RAB6B: variants seen among roughly 807,000 people sequenced by gnomAD.
RAB6B encodes the protein RAB6B, member RAS oncogene family.
Under a neutral mutation model 31.2 loss-of-function variants are expected in RAB6B, and 7 were observed. The ratio of observed to expected loss-of-function variants is 0.22; its 90% CI spans 0.13 to 0.42. The LOEUF (loss-of-function observed/expected upper bound fraction) is 0.42. Among genes scored for constraint, RAB6B ranks in the 10% least tolerant of loss-of-function variants. The pLI, the probability that RAB6B is intolerant of heterozygous loss-of-function variation, is 1.00. For missense variants in RAB6B, 149 were observed against 280.6 expected, an observed-to-expected ratio of 0.53 and a Z score of 3.35; for synonymous variants, 105 against 104.9, an observed-to-expected ratio of 1.00 and a Z score of -0.01.
chr3:133,831,788 G>A (rs1420665275), intron 7 of RAB6B, among the ~76,000 whole-genome samples: 2 of 152,166 alleles, frequency 1.3e-5, no homozygotes, highest in Non-Finnish European at 2.9e-5. Flanking sequence ...GGCCCATCAC[G>A]GGCCACATTC....
At chr3:133,894,358 C>T (rs1475696131) in intron 1 of RAB6B, 2 of 152,346 alleles carry the variant, frequency 1.3e-5, no homozygotes, top group African/African-American at 4.8e-5. Flanking sequence ...GGTCCCTGCC[C>T]TTCAATCTGG....
intron 7 of RAB6B, 67 bp downstream of exon 7, chr3:133,834,508 C>T: frequency 1.3e-6 from 2 of 1,516,634 alleles, no homozygotes; most frequent in Non-Finnish European, 1.8e-6. Context: ...GTCCACTGCA[C>T]TAACATATTC....
At chr3:133,861,011 C>CCA (rs1559907290) in intron 2 of RAB6B, among the ~76,000 whole-genome samples, 1 of 152,170 alleles carries the variant, frequency 6.6e-6, no homozygotes, top group African/African-American at 2.4e-5. Context: ...AGTGCTGCTA[C>CCA]CACCAAATCC....
rs189473482 is a variant in RAB6B, at chr3:133,887,522, A to G, written c.70+7875T>C. ...TCTCACCAGCAGCATGCTTGTCTCC[A>G]GGCTGGGAGTGTTATTGGCTTGGCC... On this transcript the variant is annotated intron_variant, in intron 1 of 7. Transcript: ENST00000285208. 6.9e-3 allele frequency among the ~76,000 whole-genome samples: 1,048 copies of G among 152,328 alleles called. 6 individuals are homozygous for G. The highest frequency in any genetic ancestry group is 0.011 in the Non-Finnish European group (778 of 68,024).
intron 1 of RAB6B, among the ~76,000 whole-genome samples, chr3:133,889,440 A>ATATT (rs1936606127): frequency 1.0e-5 from 1 of 99,524 alleles, no homozygotes. Flanking sequence ...ATATATATAT[A>ATATT]TATATTTATT....
chr3:133,841,186 ATGCGTG>A, intron 4 of RAB6B, 93 bp downstream of exon 4: 14 of 1,076,686 alleles, frequency 1.3e-5, no homozygotes, highest in Non-Finnish European at 1.7e-5. Flanking sequence ...GTGCACACAC[ATGCGTG>A]TGCACACACA....
intron 6 of RAB6B, 120 bp downstream of exon 6, chr3:133,838,046 G>T: frequency 9.6e-7 from 1 of 1,041,022 alleles, no homozygotes; most frequent in South Asian, 1.4e-5. Flanking sequence ...GGGTGTTCTG[G>T]TTGGCTGCCC....
At chr3:133,860,096 G>A (rs540300410) in intron 2 of RAB6B, among the ~76,000 whole-genome samples, 16 of 152,296 alleles carry the variant, frequency 1.1e-4, no homozygotes, top group Admixed American at 2.0e-4. Flanking sequence ...TAGGCCAGAA[G>A]GTCCAGTCCC....
chr3:133,863,074 A>G (rs1365298588), intron 2 of RAB6B, among the ~76,000 whole-genome samples: 1 of 152,174 alleles, frequency 6.6e-6, no homozygotes. Context: ...TGGTGCTACA[A>G]AGCCCTGGCC....
At chr3:133,838,283 A>C (rs532694379) in intron 5 of RAB6B, 24 bp from the exon 6 acceptor site, 16 of 1,602,142 alleles carry the variant, frequency 1.0e-5, no homozygotes, top group Non-Finnish European at 8.6e-7. Context: ...GAAGGGGGGA[A>C]ATCAGCTCAG....
intron 2 of RAB6B, among the ~76,000 whole-genome samples, chr3:133,856,449 A>G (rs1459242890): frequency 6.6e-6 from 1 of 152,046 alleles, no homozygotes; most frequent in Non-Finnish European, 1.5e-5. Context: ...AGCAAGCAAG[A>G]GCTTCCCTGG....
Position 133,841,675 on chromosome 3 carries a change from AAGC to A in RAB6B, c.130-15_130-13del. 3.7e-6 allele frequency: 6 copies of A among 1,613,904 alleles called. No individual in the cohort carries two copies. Among genetic ancestry groups the A allele is most frequent in the Non-Finnish European group, 5.1e-6 (6 of 1,179,922 alleles). ...ATCCCAATGGTTGCCTGTTAGAGAA[AAGC>A]ACAGAACGGTCAAAATCAAAAGGTC... On this transcript the variant is annotated splice_polypyrimidine_tract_variant and intron_variant, in intron 2 of 7. Transcript: ENST00000285208.
intron 2 of RAB6B, among the ~76,000 whole-genome samples, chr3:133,854,660 A>G (rs1936048763): frequency 6.6e-6 from 1 of 152,226 alleles, no homozygotes; most frequent in South Asian, 2.1e-4. Flanking sequence ...GAATCTTATG[A>G]GCATGGATTT....
chr3:133,885,627 C>T (rs1936535248), intron 1 of RAB6B: 2 of 702,980 alleles, frequency 2.8e-6, no homozygotes, highest in African/African-American at 1.7e-5. Flanking sequence ...TCCCGCAGAA[C>T]ACCCATGGAA....
intron 6 of RAB6B, among the ~76,000 whole-genome samples, chr3:133,837,783 A>T (rs1393744714): frequency 6.6e-6 from 1 of 152,194 alleles, no homozygotes; most frequent in Non-Finnish European, 1.5e-5. Context: ...ATGAACCCCA[A>T]ATGCTGATCA....
intron 4 of RAB6B, among the ~76,000 whole-genome samples, chr3:133,840,391 A>G (rs1445546610): frequency 6.6e-6 from 1 of 152,222 alleles, no homozygotes; most frequent in Non-Finnish European, 1.5e-5. Context: ...AGTTTCACAC[A>G]GCCTGGTATC....
chr3:133,850,038 T>C (rs1022228504), intron 2 of RAB6B, among the ~76,000 whole-genome samples: 4 of 151,926 alleles, frequency 2.6e-5, no homozygotes, highest in Admixed American at 6.5e-5. Context: ...GGAAGTGACA[T>C]AGATACAGAG....
At position 133,828,277 on chromosome 3, in the gene RAB6B, G is replaced by T; in HGVS notation, c.*511C>A. 1 of 447,958 alleles carries T rather than the reference G, an allele frequency of 2.2e-6. No homozygotes were observed. The highest frequency in any genetic ancestry group is 4.0e-6 in the Non-Finnish European group (1 of 250,910). The allele number at this position is 447,958 out of a possible 1,614,324, so 27.7% of individuals were successfully genotyped here. A position where few individuals can be genotyped will look rare whatever the true frequency, so the allele number is the denominator to read the frequency against. ...TAACTGGAGTAGGGCCTAGAGAGTG[G>T]GGCCAGATGGCCCCAGACTGAAGCC... On this transcript the variant is annotated 3_prime_UTR_variant, in exon 8 of 8. Coordinates refer to ENST00000285208, the MANE Select transcript of RAB6B (RefSeq NM_016577.4).
intron 3 of RAB6B, 97 bp from the exon 4 acceptor site, chr3:133,841,487 GGCA>G: frequency 1.3e-6 from 2 of 1,532,442 alleles, no homozygotes; most frequent in Non-Finnish European, 1.8e-6. Context: ...CTGCAATGCT[GGCA>G]TCACCAGCTC....
Sources: gnomAD v4.1 joint callset for allele counts (sites outside exome capture counted in the v4.1 genomes callset) on GRCh38, gnomAD v4.1.1 for gene constraint, MANE v1.5 for transcripts, NCBI Gene and HGNC (gene_info 2026-07-23, HGNC 2026-07-21) for gene names.